The following PTPRD variants were observed in gnomAD, a reference collection of about 807,000 sequenced individuals.
The protein encoded by PTPRD is protein tyrosine phosphatase receptor type D.
PTPRD carries 34 observed loss-of-function variants against 214.5 expected under a neutral mutation model. The observed-to-expected ratio is 0.16, with a 90% CI of 0.12 to 0.21. The LOEUF is 0.21. Ranked by LOEUF, PTPRD falls within the 10% of genes least tolerant of loss-of-function variation. The pLI is 1.00. For synonymous variants in PTPRD, 1,128 were observed against 845.7 expected (o/e 1.33, Z -5.79); for missense variants, 2,545 against 2,398.7 (o/e 1.06, Z -1.27).
intron 12 of PTPRD, among the ~76,000 whole-genome samples, chr9:8,657,743 T>A (rs1211724741): frequency 6.6e-6 from 1 of 152,308 alleles, no homozygotes; most frequent in African/African-American, 2.4e-5. Flanking sequence ...AAGGAAAGCA[T>A]ACATTTTACT....
At chr9:9,347,589 A>G (rs1450516703) in intron 9 of PTPRD, among the ~76,000 whole-genome samples, 1 of 152,062 alleles carries the variant, frequency 6.6e-6, no homozygotes, top group East Asian at 1.9e-4. Context: ...CAGAGTGGCA[A>G]GGGAAAAACA....
intron 5 of PTPRD, among the ~76,000 whole-genome samples, chr9:9,881,605 C>T (rs16930482): frequency 0.016 from 2,461 of 152,208 alleles, 61 homozygotes; most frequent in African/African-American, 0.056. Context: ...AGCTTTGGAA[C>T]TTCAGTTAGC....
At chr9:9,130,158 A>G (rs1333518816) in intron 10 of PTPRD, among the ~76,000 whole-genome samples, 1 of 152,170 alleles carries the variant, frequency 6.6e-6, no homozygotes, top group Non-Finnish European at 1.5e-5. Flanking sequence ...TGGGCAATGT[A>G]CAAACAAGAC....
intron 3 of PTPRD, among the ~76,000 whole-genome samples, chr9:10,099,024 C>T (rs906961603): frequency 6.6e-6 from 1 of 151,790 alleles, no homozygotes; most frequent in African/African-American, 2.4e-5. Flanking sequence ...TCTTTTGGAA[C>T]ATTCTAAGCT....
chr9:9,534,218 TATG>T (rs2076066632), intron 8 of PTPRD, among the ~76,000 whole-genome samples: 1 of 152,106 alleles, frequency 6.6e-6, no homozygotes. Context: ...CTCTATAAAA[TATG>T]ATGAGAAATA....
intron 5 of PTPRD, among the ~76,000 whole-genome samples, chr9:9,819,333 C>A (rs1484789165): frequency 1.3e-5 from 2 of 152,062 alleles, no homozygotes; most frequent in Non-Finnish European, 2.9e-5. Flanking sequence ...ATAAATTCCT[C>A]CAGAATGAGA....
chr9:10,037,738 A>G (rs746706116), intron 3 of PTPRD, among the ~76,000 whole-genome samples: 10 of 152,152 alleles, frequency 6.6e-5, no homozygotes, highest in African/African-American at 9.7e-5. Flanking sequence ...CATTTATCTT[A>G]CATGCAAAAA....
intron 11 of PTPRD, among the ~76,000 whole-genome samples, chr9:8,783,001 C>A (rs978742722): frequency 3.9e-5 from 6 of 152,164 alleles, no homozygotes; most frequent in Non-Finnish European, 5.9e-5. Flanking sequence ...TCTACCCTTG[C>A]AGTTTTTCTC....
At chr9:9,371,821 C>A (rs1036301715) in intron 9 of PTPRD, among the ~76,000 whole-genome samples, 18 of 152,042 alleles carry the variant, frequency 1.2e-4, no homozygotes, top group Non-Finnish European at 2.4e-4. Context: ...TGTCTTTGTT[C>A]TCGTTTGTTT....
At chr9:8,918,473 A>G (rs1381931218) in intron 11 of PTPRD, among the ~76,000 whole-genome samples, 1 of 152,134 alleles carries the variant, frequency 6.6e-6, no homozygotes, top group African/African-American at 2.4e-5. Context: ...TCACTTTTAG[A>G]ACATCAGCAT....
At chr9:8,331,818 A>G in intron 43 of PTPRD, 82 bp from the exon 44 acceptor site, 2 of 1,432,682 alleles carry the variant, frequency 1.4e-6, no homozygotes, top group Admixed American at 5.3e-5. Flanking sequence ...AAGAACAATC[A>G]TTTTCATTTC....
intron 2 of PTPRD, among the ~76,000 whole-genome samples, chr9:10,527,142 T>C (rs2054546171): frequency 6.6e-6 from 1 of 152,162 alleles, no homozygotes; most frequent in Non-Finnish European, 1.5e-5. Context: ...GGCTATGGTG[T>C]GAATAGACAG....
At chr9:9,482,802 TG>T (rs1397792283) in intron 8 of PTPRD, among the ~76,000 whole-genome samples, 1 of 152,220 alleles carries the variant, frequency 6.6e-6, no homozygotes, top group Non-Finnish European at 1.5e-5. Flanking sequence ...GGCAGCATTT[TG>T]TTTTGTTCTA....
chr9:8,630,004 T>C (rs1190652569), intron 14 of PTPRD, among the ~76,000 whole-genome samples: 1 of 151,860 alleles, frequency 6.6e-6, no homozygotes, highest in Non-Finnish European at 1.5e-5. Context: ...ATTATTTCAA[T>C]GTCTTCTTCA....
intron 43 of PTPRD, 22 bp downstream of exon 43, chr9:8,338,900 G>C (rs1162142483): frequency 6.3e-7 from 1 of 1,593,710 alleles, no homozygotes; most frequent in Non-Finnish European, 8.6e-7. Flanking sequence ...ATGGTTAAGA[G>C]TTGAAGACTG....
chr9:9,319,437 G>C (rs1027143462), intron 9 of PTPRD, among the ~76,000 whole-genome samples: 1 of 152,114 alleles, frequency 6.6e-6, no homozygotes, highest in Non-Finnish European at 1.5e-5. Context: ...AAAAATAAAA[G>C]ATGAAAACAC....
chr9:10,215,611 G>A (rs1000607476), intron 3 of PTPRD, among the ~76,000 whole-genome samples: 2 of 151,936 alleles, frequency 1.3e-5, no homozygotes, highest in African/African-American at 4.8e-5. Context: ...TTTGCTACAT[G>A]GACACACCAT....
intron 26 of PTPRD, among the ~76,000 whole-genome samples, chr9:8,495,576 A>G (rs1433283539): frequency 6.6e-6 from 1 of 152,314 alleles, no homozygotes; most frequent in Non-Finnish European, 1.5e-5. Flanking sequence ...GAATTTAAAC[A>G]AAGAAACAAA....
chr9:9,225,664 G>A (rs968997317), intron 9 of PTPRD, among the ~76,000 whole-genome samples: 5 of 151,990 alleles, frequency 3.3e-5, no homozygotes, highest in African/African-American at 1.2e-4. Flanking sequence ...GTAAAGGATA[G>A]CGCATTTAAG....
Sources: allele counts gnomAD v4.1 joint callset (sites outside exome capture counted in the v4.1 genomes callset), GRCh38; gene constraint gnomAD v4.1.1; transcripts MANE v1.5; gene names NCBI Gene and HGNC (gene_info 2026-07-23, HGNC 2026-07-21).